NRG3: variants seen among roughly 807,000 people sequenced by gnomAD.
The protein encoded by NRG3 is pro-neuregulin-3, membrane-bound isoform.
Under a neutral mutation model 66.9 loss-of-function variants are expected in NRG3, and 31 were observed. The ratio of observed to expected loss-of-function variants is 0.46; its 90% confidence interval spans 0.35 to 0.63. The LOEUF (loss-of-function observed/expected upper bound fraction) is 0.63. Among genes scored for constraint, NRG3 ranks in the 20% least tolerant of loss-of-function variants. The probability of loss-of-function intolerance (pLI) is 0.00; values close to 1 mark genes in which losing one functional copy is unlikely to be tolerated. For missense variants in NRG3, 910 were observed against 878.9 expected (o/e 1.04, Z -0.45); for synonymous variants, 393 against 359.4 (o/e 1.09, Z -1.06).
chr10:82,842,418 C>G (rs1306075133), intron 3 of NRG3, among the ~76,000 whole-genome samples: 1 of 152,112 alleles, frequency 6.6e-6, no homozygotes, highest in African/African-American at 2.4e-5. Flanking sequence ...CATCATCTAG[C>G]CCAGGAACTA....
intron 1 of NRG3, among the ~76,000 whole-genome samples, chr10:81,994,659 G>A (rs2060868327): frequency 6.6e-6 from 1 of 151,942 alleles, no homozygotes; most frequent in South Asian, 2.1e-4. Flanking sequence ...AATATGCTGG[G>A]TGCTCATTCT....
intron 4 of NRG3, among the ~76,000 whole-genome samples, chr10:82,870,506 C>G (rs551318630): frequency 6.8e-4 from 103 of 152,244 alleles, no homozygotes; most frequent in African/African-American, 2.1e-3. Flanking sequence ...TTAGAAACTG[C>G]CGAACTGAAT....
intron 2 of NRG3, among the ~76,000 whole-genome samples, chr10:82,620,163 G>C (rs1011044440): frequency 3.9e-4 from 59 of 152,178 alleles, no homozygotes; most frequent in African/African-American, 1.4e-3. Context: ...TGCTCTCTTA[G>C]CTCCACCGTC....
In NRG3 at chr10:82,583,140, G is replaced by T. The variant is rs143133570; in HGVS notation, c.954-155437G>T. The stretch of plus-strand genomic sequence containing the variant: ...GTGTGTTCAAGAAATACTGGGAAGA[G>T]GATTAAAAAATAGTGACAAAAATAG... On this transcript the variant is annotated intron_variant, in intron 2 of 8. Transcript: ENST00000372141. Among the ~76,000 whole-genome samples, 961 of 152,176 alleles carry T rather than the reference G, an allele frequency of 6.3e-3. 9 individuals are homozygous for T. The highest frequency in any genetic ancestry group is 0.011 in the Non-Finnish European group (717 of 68,008).
Position 82,953,251 on chromosome 10 carries a change from G to A in NRG3, c.1157+1680G>A, listed in dbSNP as rs571590482. Among the ~76,000 whole-genome samples, 164 of 151,996 alleles carry A rather than the reference G, an allele frequency of 1.1e-3. 1 individual carries two copies. Among genetic ancestry groups the A allele is most frequent in the African/African-American group, 3.7e-3 (153 of 41,336 alleles). On this transcript the variant is annotated intron_variant, in intron 5 of 8. Transcript: ENST00000372141. ...CAATCACCACAGAAATCAGAGTTGT[G>A]CATTATTACTGCATTTTTCAAATAA...
chr10:82,710,586 CAAAAAAAAAAA>C (rs59857324), intron 2 of NRG3, among the ~76,000 whole-genome samples: 28 of 73,756 alleles, frequency 3.8e-4, no homozygotes, highest in Non-Finnish European at 6.4e-4. Flanking sequence ...GACTCCATCT[CAAAAAAAAAAA>C]AAAAAAAAAA....
At chr10:82,130,058 A>G (rs778806261) in intron 1 of NRG3, among the ~76,000 whole-genome samples, 1 of 151,788 alleles carries the variant, frequency 6.6e-6, no homozygotes, top group Non-Finnish European at 1.5e-5. Context: ...CATGCATGCA[A>G]TTGTTTAATT....
At chr10:81,893,748 A>G (rs907919246) in intron 1 of NRG3, among the ~76,000 whole-genome samples, 1 of 152,198 alleles carries the variant, frequency 6.6e-6, no homozygotes, top group African/African-American at 2.4e-5. Context: ...CTACTGTGGA[A>G]GGCAGAGTTC....
chr10:82,769,287 G>A (rs1350549178), intron 3 of NRG3, among the ~76,000 whole-genome samples: 5 of 151,978 alleles, frequency 3.3e-5, no homozygotes, highest in Non-Finnish European at 7.4e-5. Context: ...CAGTTCAAAG[G>A]CTGAGTTGTA....
intron 2 of NRG3, among the ~76,000 whole-genome samples, chr10:82,469,156 T>G (rs1840984949): frequency 6.6e-6 from 1 of 152,204 alleles, no homozygotes; most frequent in African/African-American, 2.4e-5. Context: ...AAAATGGTTC[T>G]TAAGTGAAAA....
At chr10:82,611,728 T>C (rs1409280821) in intron 2 of NRG3, among the ~76,000 whole-genome samples, 1 of 152,216 alleles carries the variant, frequency 6.6e-6, no homozygotes, top group Non-Finnish European at 1.5e-5. Flanking sequence ...ACAATAAACA[T>C]ACATGTGCAT....
chr10:82,954,789 C>G (rs919902037), intron 5 of NRG3, among the ~76,000 whole-genome samples: 20 of 140,516 alleles, frequency 1.4e-4, no homozygotes, highest in African/African-American at 4.7e-4. Context: ...GTCATAAAAC[C>G]CTGGCACAAG....
chr10:82,921,798 C>T (rs1846445792), intron 4 of NRG3, among the ~76,000 whole-genome samples: 1 of 152,022 alleles, frequency 6.6e-6, no homozygotes, highest in Non-Finnish European at 1.5e-5. Context: ...TTCTTTGCAT[C>T]CCAACATAAT....
intron 2 of NRG3, among the ~76,000 whole-genome samples, chr10:82,539,627 T>TG (rs1473144882): frequency 1.3e-5 from 2 of 151,642 alleles, no homozygotes; most frequent in African/African-American, 4.8e-5. Context: ...GCCGTTTTTT[T>TG]TTGTTTTTGT....
intron 2 of NRG3, among the ~76,000 whole-genome samples, chr10:82,433,455 A>C (rs2136346882): frequency 6.6e-6 from 1 of 152,264 alleles, no homozygotes; most frequent in Admixed American, 6.5e-5. Context: ...GCTGTGCAGA[A>C]GCTTTTTAGT....
chr10:82,324,928 T>C (rs192729762), intron 1 of NRG3, among the ~76,000 whole-genome samples: 10 of 152,354 alleles, frequency 6.6e-5, no homozygotes, highest in Admixed American at 1.3e-4. Flanking sequence ...TCAAGTTGGT[T>C]GACTTTTGTT....
intron 1 of NRG3, among the ~76,000 whole-genome samples, chr10:82,089,279 A>G (rs2065897292): frequency 6.6e-6 from 1 of 152,134 alleles, no homozygotes; most frequent in Non-Finnish European, 1.5e-5. Flanking sequence ...CCTTTCTTAC[A>G]TTTTGTATTA....
chr10:82,838,905 T>G (rs556551407), intron 3 of NRG3, among the ~76,000 whole-genome samples: 1 of 152,188 alleles, frequency 6.6e-6, no homozygotes, highest in African/African-American at 2.4e-5. Flanking sequence ...CTCACAATCA[T>G]GGCGGAAGGC....
At chr10:82,459,049 A>T (rs2091397322) in intron 2 of NRG3, among the ~76,000 whole-genome samples, 2 of 152,114 alleles carry the variant, frequency 1.3e-5, no homozygotes, top group African/African-American at 4.8e-5. Context: ...TTGCTCCATC[A>T]CCATGGCAGG....
Sources: allele counts gnomAD v4.1 joint callset (sites outside exome capture counted in the v4.1 genomes callset), GRCh38; gene constraint gnomAD v4.1.1; transcripts MANE v1.5; gene names NCBI Gene and HGNC (gene_info 2026-07-23, HGNC 2026-07-21).